Variants in LMBRD1 observed in about 807,000 individuals in gnomAD.
The protein encoded by LMBRD1 is LMBR1 domain containing 1.
LMBRD1 carries 64 observed loss-of-function variants against 74.8 expected under a neutral mutation model. The ratio of observed to expected loss-of-function variants is 0.86; its 90% CI spans 0.70 to 1.05. The LOEUF (loss-of-function observed/expected upper bound fraction) is 1.05, where lower values mean the gene tolerates loss of function less well. Among genes scored for constraint, LMBRD1 ranks in the 50% least tolerant of loss-of-function variants. The pLI is 0.00. For missense variants in LMBRD1, 652 were observed against 645.9 expected, an observed-to-expected ratio of 1.01 and a Z score of -0.10; for synonymous variants, 204 against 216.3, an observed-to-expected ratio of 0.94 and a Z score of 0.50.
At chr6:69,678,245 T>C (rs906101076) in intron 14 of LMBRD1, among the ~76,000 whole-genome samples, 1 of 152,238 alleles carries the variant, frequency 6.6e-6, no homozygotes, top group East Asian at 1.9e-4. Context: ...AGTGAAAATA[T>C]ATTTACTATT....
chr6:69,742,023 T>C (rs1582111322), intron 5 of LMBRD1, 146 bp from the exon 6 acceptor site: 2 of 570,544 alleles, frequency 3.5e-6, no homozygotes, highest in Non-Finnish European at 6.2e-6. Context: ...TTCTTATCTA[T>C]GCATTTACTT....
intron 14 of LMBRD1, among the ~76,000 whole-genome samples, chr6:69,697,191 T>A (rs185498625): frequency 6.6e-6 from 1 of 151,980 alleles, no homozygotes; most frequent in Admixed American, 6.6e-5. Context: ...TAACCAGACA[T>A]GGATGAATTA....
chr6:69,680,534 AC>A (rs1442535236), intron 14 of LMBRD1, among the ~76,000 whole-genome samples: 2 of 151,912 alleles, frequency 1.3e-5, no homozygotes, highest in Non-Finnish European at 1.5e-5. Context: ...CTTGCCCACC[AC>A]CAAAACCATA....
intron 13 of LMBRD1, among the ~76,000 whole-genome samples, chr6:69,698,746 T>G (rs1766060583): frequency 6.6e-6 from 1 of 151,890 alleles, no homozygotes; most frequent in Admixed American, 6.6e-5. Flanking sequence ...GTTAAAACGT[T>G]ATTTTAGAGG....
rs572008841 is a variant in LMBRD1, at chr6:69,718,209, C to T, written c.762+747G>A. Reference sequence around the variant, plus strand: ...ACTTTTTACAGTATTTTTAGAAGTACATTTAATTGGCAAGGGGTTACATGT... The same window carrying T: ...ACTTTTTACAGTATTTTTAGAAGTATATTTAATTGGCAAGGGGTTACATGT... On this transcript the variant is annotated intron_variant, in intron 8 of 15. Transcript: ENST00000649934. Among the ~76,000 whole-genome samples, 8 of 151,768 alleles carry T rather than the reference C, an allele frequency of 5.3e-5. No individual in the cohort carries two copies. In the South Asian group the frequency reaches 1.3e-3, roughly 24 times the overall value.
chr6:69,697,569 G>A lies in LMBRD1; in HGVS notation c.1411C>T (p.Pro471Ser), dbSNP rs1024927140. The change falls in exon 14 of 16, where the codon CCT becomes TCT. Residue 471 changes from proline (P) to serine (S), a missense_variant. Physicochemically the swap from Pro to Ser is moderately conservative, Grantham distance 74 (BLOSUM62 -1). Around this residue, in one of 3 missense-constraint regions of LMBRD1, gnomAD observed 598 missense variants for 581.8 expected, o/e 1.03. Transcript: ENST00000649934. ...SVPKRCDADA[P>S]EDQCTVTRTY... ...TAAAACAAGCTGTTTTTACCTTCAG[G>A]AGCATCTGCATCACATCTCTTTGGC... 6.3e-7 allele frequency: 1 copy of A among 1,598,756 alleles called. No individual in the cohort carries two copies. The highest frequency in any genetic ancestry group is 1.7e-5 in the Admixed American group (1 of 59,966).
intron 9 of LMBRD1, among the ~76,000 whole-genome samples, chr6:69,704,420 C>T (rs1267792052): frequency 6.6e-6 from 1 of 152,012 alleles, no homozygotes; most frequent in Non-Finnish European, 1.5e-5. Context: ...TCAATATAGA[C>T]TTATATTTTA....
At chr6:69,687,860 T>A (rs1054322165) in intron 14 of LMBRD1, among the ~76,000 whole-genome samples, 6 of 152,128 alleles carry the variant, frequency 3.9e-5, no homozygotes, top group African/African-American at 1.4e-4. Flanking sequence ...TAGTTTTTTT[T>A]AAAGGTCTCT....
At chr6:69,744,473 T>TA (rs1444318580) in intron 5 of LMBRD1, among the ~76,000 whole-genome samples, 1 of 152,106 alleles carries the variant, frequency 6.6e-6, no homozygotes, top group African/African-American at 2.4e-5. Context: ...ATAACAAAAC[T>TA]AAAAAACTGC....
chr6:69,683,203 C>T (rs1765698385), intron 14 of LMBRD1, among the ~76,000 whole-genome samples: 1 of 151,988 alleles, frequency 6.6e-6, no homozygotes, highest in Non-Finnish European at 1.5e-5. Context: ...CAGTCTGCAT[C>T]GCAATCTTGA....
In LMBRD1 at chr6:69,741,620, G is replaced by A. The variant is rs368378374; in HGVS notation, c.562+169C>T. 1.7e-4 allele frequency among the ~76,000 whole-genome samples: 26 copies of A among 152,104 alleles called. No homozygotes were observed. In the East Asian group the frequency reaches 3.3e-3, roughly 19 times the overall value. On this transcript the variant is annotated intron_variant, in intron 6 of 15. Coordinates refer to ENST00000649934, the MANE Select transcript of LMBRD1 (RefSeq NM_018368.4). ...AGGCTGGTCTCAAACTCCTGACCTCGTGATCCACCCCCCACCCCTCGGCCT... is the reference window on the plus strand; with the variant it reads ...AGGCTGGTCTCAAACTCCTGACCTCATGATCCACCCCCCACCCCTCGGCCT...
In LMBRD1 at chr6:69,701,459, A is replaced by G. The variant is rs1766127830; in HGVS notation, c.1067T>C (p.Leu356Ser). The G allele has an allele frequency of 6.3e-7, 1 of 1,596,170 alleles. No homozygotes were observed. The highest frequency in any genetic ancestry group is 8.6e-7 in the Non-Finnish European group (1 of 1,165,140). Reference sequence around the variant, plus strand: ...TTTACTTACTGTTTGTAGTAAAGGCAAAAGCATATTCAGTGGATTACTCAG... The same window carrying G: ...TTTACTTACTGTTTGTAGTAAAGGCGAAAGCATATTCAGTGGATTACTCAG... ...ANLSNPLNML[L>S]PLLQTVFPLD... The change falls in exon 11 of 16, where the codon TTG becomes TCG. Residue 356 changes from leucine to serine, a missense_variant. By Grantham distance (145) the Leu-to-Ser change is moderately radical (BLOSUM62 -2). This residue lies in a region of LMBRD1 where 598 missense variants were observed against 581.8 expected (regional missense o/e 1.03). Coordinates refer to ENST00000649934, the MANE Select transcript of LMBRD1 (RefSeq NM_018368.4).
At chr6:69,769,069 T>A (rs144071687) in intron 3 of LMBRD1, among the ~76,000 whole-genome samples, 17 of 152,138 alleles carry the variant, frequency 1.1e-4, no homozygotes, top group Admixed American at 1.1e-3. Flanking sequence ...AGATTGCTTT[T>A]TGGCCATAAT....
chr6:69,694,830 C>G (rs1012949539), intron 14 of LMBRD1, among the ~76,000 whole-genome samples: 1 of 152,166 alleles, frequency 6.6e-6, no homozygotes, highest in Non-Finnish European at 1.5e-5. Context: ...CTCTGTCCCT[C>G]GACATATTTA....
intron 3 of LMBRD1, among the ~76,000 whole-genome samples, chr6:69,756,482 T>G (rs1011280287): frequency 6.6e-6 from 1 of 152,256 alleles, no homozygotes; most frequent in Non-Finnish European, 1.5e-5. Context: ...AAAATTAAAC[T>G]GGCAATACCA....
At chr6:69,790,530 G>T (rs1345158268) in intron 1 of LMBRD1, 58 bp from the exon 2 acceptor site, 1 of 1,548,852 alleles carries the variant, frequency 6.5e-7, no homozygotes, top group Non-Finnish European at 8.9e-7. Flanking sequence ...TCTGATTTTT[G>T]TATGTGTTTG....
intron 9 of LMBRD1, among the ~76,000 whole-genome samples, chr6:69,703,217 A>G (rs1013821688): frequency 6.6e-5 from 10 of 152,056 alleles, no homozygotes; most frequent in Non-Finnish European, 1.5e-4. Context: ...AGAGGGTATA[A>G]AGGAGTTATA....
chr6:69,738,816 G>A (rs775009588), intron 6 of LMBRD1, among the ~76,000 whole-genome samples: 7 of 151,992 alleles, frequency 4.6e-5, no homozygotes, highest in Non-Finnish European at 1.0e-4. Context: ...TGTATTGAGC[G>A]AGTTTAAATG....
chr6:69,784,505 G>C (rs1034447183), intron 2 of LMBRD1, among the ~76,000 whole-genome samples: 2 of 152,180 alleles, frequency 1.3e-5, no homozygotes, highest in African/African-American at 4.8e-5. Context: ...ATGGTGGACA[G>C]AGTCAGTATA....
Sources: gnomAD v4.1 joint callset for allele counts (sites outside exome capture counted in the v4.1 genomes callset) on GRCh38, gnomAD v4.1.1 for gene constraint, gnomAD v4.1.1 regional missense constraint, MANE v1.5 for transcripts, NCBI Gene and HGNC (gene_info 2026-07-23, HGNC 2026-07-21) for gene names.